Variants in ZBTB20 observed in about 807,000 individuals in gnomAD.
ZBTB20 encodes the protein zinc finger and BTB domain-containing protein 20.
ZBTB20 carries 9 observed loss-of-function variants against 56.9 expected under a neutral mutation model. That is an observed-to-expected ratio of 0.16 (90% confidence interval 0.10 to 0.28). The LOEUF is 0.28. Ranked by LOEUF, ZBTB20 falls within the 10% of genes least tolerant of loss-of-function variation. The probability of loss-of-function intolerance (pLI) is 1.00; values close to 1 mark genes in which losing one functional copy is unlikely to be tolerated. For missense variants in ZBTB20, 655 were observed against 1,003.0 expected (o/e 0.65, Z 4.69); for synonymous variants, 417 against 420.7 (o/e 0.99, Z 0.11).
chr3:115,003,163 G>T (rs1171492338), intron 2 of ZBTB20, among the ~76,000 whole-genome samples: 1 of 151,564 alleles, frequency 6.6e-6, no homozygotes, highest in Non-Finnish European at 1.5e-5. Flanking sequence ...GGATAAACAG[G>T]TAGAGTACAG....
intron 7 of ZBTB20, among the ~76,000 whole-genome samples, chr3:114,422,066 A>C (rs1466561943): frequency 6.6e-6 from 1 of 152,184 alleles, no homozygotes; most frequent in Non-Finnish European, 1.5e-5. Context: ...TTGAACACAC[A>C]AGTAGATGAA....
chr3:114,739,790 TAC>T (rs1458216668), intron 5 of ZBTB20, among the ~76,000 whole-genome samples: 1 of 152,236 alleles, frequency 6.6e-6, no homozygotes, highest in Non-Finnish European at 1.5e-5. Flanking sequence ...GAGGCTGAAC[TAC>T]AGAGCCTAGG....
At chr3:114,950,146 CCTTTATCCATGGGGAATA>C (rs1476287678) in intron 3 of ZBTB20, among the ~76,000 whole-genome samples, 5 of 152,088 alleles carry the variant, frequency 3.3e-5, no homozygotes, top group African/African-American at 1.2e-4. Flanking sequence ...CAGTAGTCCC[CCTTTATCCATGGGGAATA>C]CACTCCACCT....
intron 2 of ZBTB20, among the ~76,000 whole-genome samples, chr3:115,059,959 T>C (rs2081957456): frequency 6.6e-6 from 1 of 152,206 alleles, no homozygotes; most frequent in Non-Finnish European, 1.5e-5. Context: ...TTATTCAGTG[T>C]TTCATCTTTG....
intron 2 of ZBTB20, among the ~76,000 whole-genome samples, chr3:115,018,131 G>A (rs1377521432): frequency 6.6e-6 from 1 of 151,288 alleles, no homozygotes; most frequent in African/African-American, 2.4e-5. Context: ...GTTTATATGT[G>A]CTAATATTTT....
At chr3:114,466,944 T>C (rs1239444541) in intron 7 of ZBTB20, among the ~76,000 whole-genome samples, 1 of 152,220 alleles carries the variant, frequency 6.6e-6, no homozygotes, top group East Asian at 1.9e-4. Flanking sequence ...TCATTTGCTA[T>C]TCAGCGGTGG....
At chr3:114,538,618 C>T (rs1336869517) in intron 6 of ZBTB20, among the ~76,000 whole-genome samples, 4 of 152,026 alleles carry the variant, frequency 2.6e-5, no homozygotes, top group Non-Finnish European at 5.9e-5. Flanking sequence ...AGATAGGTAA[C>T]CAACCACGCA....
chr3:114,495,029 A>G (rs2043127851), intron 7 of ZBTB20, among the ~76,000 whole-genome samples: 1 of 152,216 alleles, frequency 6.6e-6, no homozygotes. Context: ...GAAACTTTCT[A>G]GCCTGCAAGG....
intron 4 of ZBTB20, among the ~76,000 whole-genome samples, chr3:114,808,353 T>C (rs1247293034): frequency 6.6e-6 from 1 of 151,996 alleles, no homozygotes; most frequent in African/African-American, 2.4e-5. Flanking sequence ...TATGAGGTTA[T>C]AATATTTGTT....
At chr3:114,820,325 C>T (rs1048997850) in intron 4 of ZBTB20, among the ~76,000 whole-genome samples, 1 of 151,756 alleles carries the variant, frequency 6.6e-6, no homozygotes, top group African/African-American at 2.4e-5. Flanking sequence ...AAAATTAATG[C>T]TAAGTGAAGA....
chr3:115,138,587 G>A (rs968980391), intron 1 of ZBTB20, among the ~76,000 whole-genome samples: 1 of 152,032 alleles, frequency 6.6e-6, no homozygotes, highest in Non-Finnish European at 1.5e-5. Context: ...CTCCAGAGCT[G>A]TACTTGAGTT....
At chr3:114,953,516 A>G (rs2107926089) in intron 3 of ZBTB20, among the ~76,000 whole-genome samples, 1 of 152,118 alleles carries the variant, frequency 6.6e-6, no homozygotes, top group Non-Finnish European at 1.5e-5. Flanking sequence ...TTTGAAGAAA[A>G]GTGTACGTGC....
chr3:114,870,668 C>T (rs559369759), intron 4 of ZBTB20, among the ~76,000 whole-genome samples: 10 of 151,560 alleles, frequency 6.6e-5, no homozygotes, highest in Non-Finnish European at 1.5e-4. Context: ...GCACACACCC[C>T]TCAATATATA....
rs187631436 is a variant in ZBTB20 at position 114,703,593 on chromosome 3, A to C, written c.-342-10018T>G. Reference sequence around the variant, plus strand: ...AATTAGCTAGCTAAAAATAACTCACAATACCCTTCTCACTAAAACAAAATA... The same window carrying C: ...AATTAGCTAGCTAAAAATAACTCACCATACCCTTCTCACTAAAACAAAATA... On this transcript the variant is annotated intron_variant, in intron 5 of 11. Transcript: ENST00000675478. Among the ~76,000 whole-genome samples, 249 of 152,294 alleles carry C rather than the reference A, an allele frequency of 1.6e-3. 1 individual carries two copies. Among genetic ancestry groups the C allele is most frequent in the Non-Finnish European group, 3.0e-3 (202 of 68,000 alleles).
intron 7 of ZBTB20, among the ~76,000 whole-genome samples, chr3:114,402,054 T>G (rs1446260746): frequency 6.6e-6 from 1 of 152,174 alleles, no homozygotes; most frequent in Admixed American, 6.6e-5. Context: ...AAATTACAGA[T>G]GGCAATCACA....
intron 6 of ZBTB20, among the ~76,000 whole-genome samples, chr3:114,624,363 A>C (rs981159901): frequency 2.0e-5 from 3 of 151,882 alleles, no homozygotes; most frequent in Non-Finnish European, 2.9e-5. Context: ...AGAAACAAAA[A>C]AAAAAAAAAC....
At chr3:114,359,743 TG>T (rs2081610306) in intron 10 of ZBTB20, among the ~76,000 whole-genome samples, 1 of 152,194 alleles carries the variant, frequency 6.6e-6, no homozygotes, top group Non-Finnish European at 1.5e-5. Context: ...TGTTTGAACT[TG>T]GCTTTGAATA....
intron 5 of ZBTB20, among the ~76,000 whole-genome samples, chr3:114,725,493 A>G (rs2065207947): frequency 6.6e-6 from 1 of 152,254 alleles, no homozygotes; most frequent in African/African-American, 2.4e-5. Context: ...AGTATTTTCA[A>G]AACGCATTAA....
chr3:114,647,300 G>T (rs2059902160), intron 6 of ZBTB20, among the ~76,000 whole-genome samples: 1 of 152,146 alleles, frequency 6.6e-6, no homozygotes, highest in African/African-American at 2.4e-5. Flanking sequence ...CTTTCACATT[G>T]TTCCTCTTGG....
Sources: gnomAD v4.1 joint callset for allele counts (sites outside exome capture counted in the v4.1 genomes callset) on GRCh38, gnomAD v4.1.1 for gene constraint, MANE v1.5 for transcripts, NCBI Gene and HGNC (gene_info 2026-07-23, HGNC 2026-07-21) for gene names.